Variants in CCDC9B observed in about 807,000 individuals in gnomAD.
CCDC9B encodes coiled-coil domain containing 9B.
A neutral mutation model predicts 47.2 loss-of-function variants in CCDC9B; 40 were observed. The observed-to-expected ratio is 0.85, with a 90% CI of 0.66 to 1.10. CCDC9B has a LOEUF of 1.10. CCDC9B is among the 50% of genes least tolerant of loss of function. The pLI, the probability that CCDC9B is intolerant of heterozygous loss-of-function variation, is 0.00. For synonymous variants in CCDC9B, 238 were observed against 250.7 expected (o/e 0.95, Z 0.48); for missense variants, 662 against 651.0 (o/e 1.02, Z -0.18).
chr15:40,337,410 C>A lies in CCDC9B; in HGVS notation c.720G>T (p.Pro240=). Residue 240 remains proline, a synonymous_variant, in exon 7 of 11, where the codon CCG becomes CCT. Coordinates refer to ENST00000397536, the MANE Select transcript of CCDC9B (RefSeq NM_207380.3). ...CACCCCTTCTGCTGCCTGCCCTGGC[C>A]GGGCCTTCTCCCCTCAGCTGGCTGC... The part of the protein sequence containing the change: ...QDCSQLRGEG[P]ARAGSRRGPR... 1 of 1,605,694 alleles carries A rather than the reference C, an allele frequency of 6.2e-7. No homozygotes were observed. The highest frequency in any genetic ancestry group is 8.5e-7 in the Non-Finnish European group (1 of 1,175,858).
rs561075992 is a variant in CCDC9B at position 40,332,317 on chromosome 15, C to T, written c.*2841G>A. The T allele has an allele frequency of 2.6e-5, 4 of 152,270 alleles. No homozygotes were observed. In the South Asian group the frequency reaches 8.3e-4, roughly 32 times the overall value. 9.4% of individuals were successfully genotyped at this position (152,270 alleles called of 1,614,324 possible). A position where few individuals can be genotyped will look rare whatever the true frequency, so the allele number is the denominator to read the frequency against. On this transcript the variant is annotated 3_prime_UTR_variant, in exon 11 of 11. Coordinates refer to ENST00000397536, the MANE Select transcript of CCDC9B (RefSeq NM_207380.3). ...CGGACTGATAGCCGGGGGTTACCACCATAACTACCACTTCCTTATCTTGAA... is the reference window on the plus strand; with the variant it reads ...CGGACTGATAGCCGGGGGTTACCACTATAACTACCACTTCCTTATCTTGAA...
chr15:40,337,849 C>A lies in CCDC9B; in HGVS notation c.558G>T (p.Glu186Asp). 1 of 1,608,228 alleles carries A rather than the reference C, an allele frequency of 6.2e-7. No individual in the cohort carries two copies. The highest frequency in any genetic ancestry group is 1.7e-5 in the Admixed American group (1 of 59,508). Residue 186 changes from glutamate (E) to aspartate (D), a missense_variant, in exon 6 of 11, where the codon GAG becomes GAT. Transcript: ENST00000397536. ...TCCACTGGGCATAGTCCCAGCCCGC[C>A]TCCGGGGGCTCCCCCACCGGCCGGC... Reference protein sequence around the residue: ...PWSRPVGEPPEAGWDYAQWKQ... With the variant: ...PWSRPVGEPPDAGWDYAQWKQ...
intron 1 of CCDC9B, 197 bp downstream of exon 1, chr15:40,340,611 C>A (rs999626082): frequency 4.3e-5 from 26 of 600,306 alleles, no homozygotes; most frequent in Non-Finnish European, 6.9e-5. Context: ...CAGGAGTCAC[C>A]CTGGGCAAGC....
At chr15:40,335,893 A>G (rs1888948961) in intron 9 of CCDC9B, 67 bp from the exon 10 acceptor site, 1 of 1,566,772 alleles carries the variant, frequency 6.4e-7, no homozygotes, top group Non-Finnish European at 8.7e-7. Context: ...CCCTGCCTGA[A>G]TAGAGGGGTG....
At chr15:40,339,789 T>C (rs1889049202) in intron 2 of CCDC9B, 116 bp downstream of exon 2, 3 of 1,393,074 alleles carry the variant, frequency 2.2e-6, no homozygotes, top group Non-Finnish European at 3.0e-6. Flanking sequence ...ATGCCCACCC[T>C]ACCCCTGGCC....
At position 40,333,557 on chromosome 15, in the gene CCDC9B, G is replaced by A. The variant is rs55945670; in HGVS notation, c.*1601C>T. On this transcript the variant is annotated 3_prime_UTR_variant, in exon 11 of 11. Coordinates refer to ENST00000397536, the MANE Select transcript of CCDC9B (RefSeq NM_207380.3). ...ACTCCAGCCTAGGTGATAACAGCAG[G>A]ACCCTAACTAAAAAAAAAAAAAAAA... 12,409 of 100,536 alleles carry A rather than the reference G, an allele frequency of 0.12. 694 individuals carry two copies. The highest frequency in any genetic ancestry group is 0.14 in the Non-Finnish European group (8,218 of 60,182). 6.2% of individuals were successfully genotyped at this position (100,536 alleles called of 1,614,324 possible).
intron 6 of CCDC9B, 64 bp downstream of exon 6, chr15:40,337,660 C>T: frequency 6.6e-7 from 1 of 1,516,458 alleles, no homozygotes; most frequent in East Asian, 2.3e-5. Context: ...TGCAGCCCTC[C>T]CAGCAGTGCC....
Position 40,336,558 on chromosome 15 carries a change from C to T in CCDC9B, c.887+16G>A. ...CCCACATGCCCGTCTTGATTTTGTC[C>T]CCTGCCACCTGTTACCTTCGGGCCC... is the stretch of plus-strand genomic sequence containing the variant. On this transcript the variant is annotated intron_variant, in intron 9 of 10. Coordinates refer to ENST00000397536, the MANE Select transcript of CCDC9B (RefSeq NM_207380.3). The T allele has an allele frequency of 1.2e-6, 2 of 1,609,538 alleles. No individual in the cohort carries two copies. The highest frequency in any genetic ancestry group is 1.7e-6 in the Non-Finnish European group (2 of 1,178,206).
intron 2 of CCDC9B, 106 bp from the exon 3 acceptor site, chr15:40,339,725 A>C (rs554009191): frequency 1.9e-5 from 30 of 1,540,636 alleles, no homozygotes; most frequent in Admixed American, 9.1e-5. Context: ...ACCAGGGGGC[A>C]GAGGCGCCAC....
intron 6 of CCDC9B, 60 bp from the exon 7 acceptor site, chr15:40,337,506 G>T: frequency 7.0e-7 from 1 of 1,421,732 alleles, no homozygotes; most frequent in Non-Finnish European, 9.5e-7. Context: ...GCCCCACCCT[G>T]ACACCCCCCT....
At chr15:40,338,987 G>C (rs756242604) in intron 3 of CCDC9B, 84 bp from the exon 4 acceptor site, 2 of 1,490,836 alleles carry the variant, frequency 1.3e-6, no homozygotes, top group African/African-American at 2.8e-5. Context: ...CCCCAGGCCT[G>C]GGTTCCAACC....
intron 7 of CCDC9B, 71 bp downstream of exon 7, chr15:40,337,316 GA>G (rs747645491): frequency 7.4e-7 from 1 of 1,355,126 alleles, no homozygotes; most frequent in Admixed American, 1.7e-5. Context: ...AAGAGACAGA[GA>G]AAAGAGAGGA....
At chr15:40,336,158 G>A (rs780062287) in intron 9 of CCDC9B, 25 of 985,424 alleles carry the variant, frequency 2.5e-5, no homozygotes, top group Non-Finnish European at 2.9e-5. Flanking sequence ...GCCAGAATGT[G>A]GCTCCAGGAT....
Position 40,338,785 on chromosome 15 carries a change from A to G in CCDC9B, c.350T>C (p.Leu117Pro). 1 of 1,613,796 alleles carries G rather than the reference A, an allele frequency of 6.2e-7. No individual in the cohort carries two copies. Among genetic ancestry groups the G allele is most frequent in the African/African-American group, 1.3e-5 (1 of 74,974 alleles). ...CTCCATGGTCACAGCCAGCTCCACC[A>G]GCTCCCCTAAGCAGAAAGTACCCCC... ...DHGGTFCLGE[L>P]VELAVTMENK... Residue 117 changes from leucine (L) to proline (P), a missense_variant, in exon 4 of 11, where the codon CTG (leucine) becomes CCG (proline). Physicochemically the swap from Leu to Pro is moderately conservative, Grantham distance 98. Coordinates refer to ENST00000397536, the MANE Select transcript of CCDC9B (RefSeq NM_207380.3).
rs1464274431 is a variant in CCDC9B, at chr15:40,335,473, A to T, written c.1158T>A (p.Pro386=). The change falls in exon 11 of 11, where the codon CCT becomes CCA. Residue 386 remains proline, a synonymous_variant. Transcript: ENST00000397536. ...LDLSLGGAGI[P]GPRESGCVLG... ...GCACACACCCGCTCTCCCTGGGCCC[A>T]GGGATGCCAGCCCCTCCTAGGGAGA... 6.3e-7 allele frequency: 1 copy of T among 1,595,076 alleles called. No individual in the cohort carries two copies. The highest frequency in any genetic ancestry group is 1.7e-5 in the Admixed American group (1 of 57,728).
Position 40,340,806 on chromosome 15 carries a change from A to C in CCDC9B, c.12+2T>G. On this transcript the variant is annotated splice_donor_variant, in intron 1 of 10. Transcript: ENST00000397536. LOFTEE classifies it high-confidence loss of function. ...CCCTGCCAAAGGCAGACTGCCACTC[A>C]CAGCCGAGTGCATGGCAACGGCGGG... 2 of 1,607,542 alleles carry C rather than the reference A, an allele frequency of 1.2e-6. No homozygotes were observed. Among genetic ancestry groups the C allele is most frequent in the South Asian group, 2.2e-5 (2 of 89,930 alleles).
rs1241704860 is a variant in CCDC9B, at chr15:40,339,583, C to T, written c.160G>A (p.Gly54Arg). ...AGTGCTGGTGTGGTCACAGCCATCC[C>T]CCCCTGCTCTGCCTGCCGACGGTCC... is the stretch of plus-strand genomic sequence containing the variant. ...QEDRRQAEQG[G>R]MAVTTPALLQ... is the part of the protein sequence containing the mutation. Residue 54 changes from glycine to arginine, a missense_variant, in exon 3 of 11, where the codon GGG (glycine) becomes AGG (arginine). Transcript: ENST00000397536. 2 of 1,613,752 alleles carry T rather than the reference C, an allele frequency of 1.2e-6. No homozygotes were observed. The highest frequency in any genetic ancestry group is 2.2e-5 in the East Asian group (1 of 44,878).
At chr15:40,337,974 T>C in intron 5 of CCDC9B, 81 bp from the exon 6 acceptor site, 1 of 1,370,312 alleles carries the variant, frequency 7.3e-7, no homozygotes, top group East Asian at 2.5e-5. Flanking sequence ...AGGCGCTTCC[T>C]CTCTCAAGGT....
chr15:40,339,190 A>G, intron 3 of CCDC9B: 1 of 591,190 alleles, frequency 1.7e-6, no homozygotes, highest in Non-Finnish European at 3.0e-6. Context: ...CCTGGCATTC[A>G]GCCCCAACTT....
Sources: allele counts gnomAD v4.1 joint callset, GRCh38; gene constraint gnomAD v4.1.1; transcripts MANE v1.5; gene names NCBI Gene and HGNC (gene_info 2026-07-23, HGNC 2026-07-21).